The following TENM3 variants were observed in gnomAD, a reference collection of about 807,000 sequenced individuals.
The protein encoded by TENM3 is teneurin transmembrane protein 3.
A neutral mutation model predicts 255.1 loss-of-function variants in TENM3; 63 were observed. That is an observed-to-expected ratio of 0.25 (90% CI 0.20 to 0.30). The LOEUF (loss-of-function observed/expected upper bound fraction) is 0.30. Among genes scored for constraint, TENM3 ranks in the 10% least tolerant of loss-of-function variants. TENM3 has a pLI of 1.00. For missense variants in TENM3, 2,929 were observed against 3,461.1 expected (o/e 0.85, Z 3.86); for synonymous variants, 1,306 against 1,322.3 (o/e 0.99, Z 0.27).
At chr4:182,632,640 T>C (rs892507232) in intron 5 of TENM3, among the ~76,000 whole-genome samples, 1 of 152,126 alleles carries the variant, frequency 6.6e-6, no homozygotes, top group Non-Finnish European at 1.5e-5. Flanking sequence ...ATTAAGGATA[T>C]GAATTTTTTG....
At chr4:181,461,793 A>C in the TENM3 span, among the ~76,000 whole-genome samples, 1 of 152,080 alleles carries the variant, frequency 6.6e-6, no homozygotes, top group African/African-American at 2.4e-5. Flanking sequence ...CTATATTTAT[A>C]ATAGCTGTTT....
In TENM3 at chr4:182,607,347, A is replaced by G. The variant is rs189776668; in HGVS notation, c.749+6186A>G. On this transcript the variant is annotated intron_variant, in intron 4 of 27. Coordinates refer to ENST00000511685, the MANE Select transcript of TENM3 (RefSeq NM_001080477.4). ...CCATGGTTAATTTTACTAGATTAAA[A>G]TCTCTTAGTTTTCTCACTCTTCCCG... is the stretch of plus-strand genomic sequence containing the variant. Among the ~76,000 whole-genome samples, 8 of 152,242 alleles carry G rather than the reference A, an allele frequency of 5.3e-5. No individual in the cohort carries two copies. The East Asian group carries it at 1.5e-3, about 29-fold the overall frequency.
At chr4:181,900,216 A>T in the TENM3 span, among the ~76,000 whole-genome samples, 1 of 152,178 alleles carries the variant, frequency 6.6e-6, no homozygotes, top group Non-Finnish European at 1.5e-5. Flanking sequence ...TGGCTTCTTG[A>T]TTAATTTAGA....
chr4:181,987,671 A>G, the TENM3 span, among the ~76,000 whole-genome samples: 2 of 152,228 alleles, frequency 1.3e-5, no homozygotes, highest in African/African-American at 4.8e-5. Flanking sequence ...CTGTCAGACA[A>G]CGGCATAAGG....
intron 1 of TENM3, among the ~76,000 whole-genome samples, chr4:182,175,917 C>T (rs1222670956): frequency 6.9e-6 from 1 of 145,790 alleles, no homozygotes; most frequent in African/African-American, 2.5e-5. Context: ...CCCCCGCCCC[C>T]CACCCTGCCG....
the TENM3 span, among the ~76,000 whole-genome samples, chr4:181,872,510 T>TC: frequency 2.0e-5 from 3 of 152,112 alleles, no homozygotes; most frequent in Non-Finnish European, 4.4e-5. Flanking sequence ...TGTGTGTTGT[T>TC]CCCCTCTATG....
At chr4:182,602,848 A>G (rs1199935342) in intron 4 of TENM3, among the ~76,000 whole-genome samples, 1 of 152,208 alleles carries the variant, frequency 6.6e-6, no homozygotes, top group Non-Finnish European at 1.5e-5. Flanking sequence ...GAAAAAAGTA[A>G]TTTTCCAGTT....
the TENM3 span, among the ~76,000 whole-genome samples, chr4:181,550,097 A>G: frequency 9.9e-5 from 15 of 152,228 alleles, no homozygotes; most frequent in Non-Finnish European, 4.4e-5. Flanking sequence ...AACCTAAACA[A>G]AAGAGTAACA....
chr4:181,563,990 A>G, the TENM3 span, among the ~76,000 whole-genome samples: 1 of 150,732 alleles, frequency 6.6e-6, no homozygotes, highest in Non-Finnish European at 1.5e-5. Context: ...ACTTCTCCAT[A>G]GAGAAAATGA....
At chr4:181,638,281 G>A in the TENM3 span, among the ~76,000 whole-genome samples, 31 of 152,268 alleles carry the variant, frequency 2.0e-4, no homozygotes, top group African/African-American at 6.7e-4. Context: ...GAATAAGTGG[G>A]CATCAGATTA....
rs73003207 is a variant in TENM3 at position 182,252,310 on chromosome 4, A to G, written c.-76+8834A>G. On this transcript the variant is annotated intron_variant, in intron 1 of 27. Coordinates refer to ENST00000511685, the MANE Select transcript of TENM3 (RefSeq NM_001080477.4). ...TATGCTCCTTATGAGTCAAACAAAT[A>G]TGGAGTGCAAAGCTTTTAAGACCTC... Among the ~76,000 whole-genome samples the G allele has an allele frequency of 6.0e-3, 920 of 152,300 alleles. 11 individuals carry two copies. Among genetic ancestry groups the G allele is most frequent in the African/African-American group, 0.021 (883 of 41,552 alleles).
At chr4:182,220,612 G>A (rs1308665410) in intron 1 of TENM3, among the ~76,000 whole-genome samples, 2 of 152,090 alleles carry the variant, frequency 1.3e-5, no homozygotes, top group Non-Finnish European at 2.9e-5. Context: ...CGCAGAGAAG[G>A]TTCATGCTTC....
the TENM3 span, among the ~76,000 whole-genome samples, chr4:181,779,451 A>G: frequency 0.02 from 3,056 of 151,706 alleles, 112 homozygotes; most frequent in African/African-American, 0.07. Flanking sequence ...ACAGTCCAAA[A>G]CCACCCTGGG....
chr4:181,472,829 G>A, the TENM3 span, among the ~76,000 whole-genome samples: 1 of 152,164 alleles, frequency 6.6e-6, no homozygotes, highest in African/African-American at 2.4e-5. Flanking sequence ...ATCCTAGGAA[G>A]TTACCTACAC....
At chr4:182,427,406 A>G (rs1047143761) in intron 3 of TENM3, among the ~76,000 whole-genome samples, 2 of 152,208 alleles carry the variant, frequency 1.3e-5, no homozygotes, top group African/African-American at 2.4e-5. Flanking sequence ...CCTTTCGAAG[A>G]GCAAGGAAGC....
intron 16 of TENM3, 51 bp downstream of exon 16, chr4:182,731,190 G>A: frequency 1.3e-6 from 2 of 1,575,324 alleles, no homozygotes; most frequent in Non-Finnish European, 1.7e-6. Context: ...TTCAGATCAT[G>A]TTTTGCCAGA....
chr4:182,059,190 C>G, the TENM3 span, among the ~76,000 whole-genome samples: 1 of 152,204 alleles, frequency 6.6e-6, no homozygotes, highest in Admixed American at 6.5e-5. Flanking sequence ...AACCTTCTTG[C>G]TACAGATACA....
At chr4:182,650,889 A>AAAAATATATATATATAT (rs1281790163) in intron 5 of TENM3, among the ~76,000 whole-genome samples, 4 of 29,752 alleles carry the variant, frequency 1.3e-4, no homozygotes, top group Non-Finnish European at 1.7e-4. Context: ...AATAAAAAAA[A>AAAAATATATATATATAT]ATATATATAT....
At chr4:182,352,059 G>A (rs2150709857) in intron 3 of TENM3, among the ~76,000 whole-genome samples, 1 of 152,104 alleles carries the variant, frequency 6.6e-6, no homozygotes, top group African/African-American at 2.4e-5. Context: ...TTTGGACTAG[G>A]TAGATATCTA....
Sources: allele counts gnomAD v4.1 joint callset (sites outside exome capture counted in the v4.1 genomes callset), GRCh38; gene constraint gnomAD v4.1.1; transcripts MANE v1.5; gene names NCBI Gene and HGNC (gene_info 2026-07-23, HGNC 2026-07-21).